Variants in CNTNAP2 observed in about 807,000 individuals in gnomAD.
CNTNAP2 encodes contactin associated protein 2.
CNTNAP2 carries 98 observed loss-of-function variants against 155.2 expected under a neutral mutation model. The observed-to-expected ratio is 0.63, with a 90% CI of 0.54 to 0.75. CNTNAP2 has a LOEUF of 0.75. Among genes scored for constraint, CNTNAP2 ranks in the 30% least tolerant of loss-of-function variants. The pLI is 0.00. For synonymous variants in CNTNAP2, 651 were observed against 631.2 expected, an observed-to-expected ratio of 1.03 and a Z score of -0.47; for missense variants, 1,727 against 1,688.1, an observed-to-expected ratio of 1.02 and a Z score of -0.40.
chr7:147,222,528 G>A (rs557040126), intron 8 of CNTNAP2, among the ~76,000 whole-genome samples: 33 of 152,026 alleles, frequency 2.2e-4, no homozygotes, highest in Non-Finnish European at 4.3e-4. Context: ...TATCATAATT[G>A]TTTTAAATTC....
chr7:146,343,097 T>G (rs1297114955), intron 1 of CNTNAP2, among the ~76,000 whole-genome samples: 1 of 152,162 alleles, frequency 6.6e-6, no homozygotes, highest in Non-Finnish European at 1.5e-5. Context: ...TTTTGTTTGT[T>G]TTTTGTTTTC....
chr7:147,086,814 G>T (rs933497555), intron 4 of CNTNAP2, among the ~76,000 whole-genome samples: 10 of 152,074 alleles, frequency 6.6e-5, no homozygotes, highest in African/African-American at 2.2e-4. Context: ...AATAATGTCT[G>T]GGAAACAGCA....
At chr7:146,166,981 C>G (rs1382122138) in intron 1 of CNTNAP2, among the ~76,000 whole-genome samples, 6 of 152,148 alleles carry the variant, frequency 3.9e-5, no homozygotes, top group Admixed American at 3.9e-4. Context: ...AGCAGGCTTC[C>G]CACCTGACAT....
chr7:146,450,050 C>T (rs1358202314), intron 1 of CNTNAP2, among the ~76,000 whole-genome samples: 2 of 152,100 alleles, frequency 1.3e-5, no homozygotes, highest in African/African-American at 4.8e-5. Flanking sequence ...TAAATACGGA[C>T]ATTATGCAAG....
At chr7:148,194,232 A>G (rs903650419) in intron 18 of CNTNAP2, among the ~76,000 whole-genome samples, 55 of 151,620 alleles carry the variant, frequency 3.6e-4, no homozygotes, top group Non-Finnish European at 6.6e-4. Flanking sequence ...TTCTGGGTTC[A>G]AGCAATCCAC....
intron 2 of CNTNAP2, among the ~76,000 whole-genome samples, chr7:146,774,709 A>G (rs1802357425): frequency 6.6e-6 from 1 of 151,402 alleles, no homozygotes; most frequent in Non-Finnish European, 1.5e-5. Flanking sequence ...AAGATGTAAA[A>G]AAGAATTGAC....
At chr7:147,423,879 C>A (rs1267338660) in intron 10 of CNTNAP2, among the ~76,000 whole-genome samples, 1 of 152,174 alleles carries the variant, frequency 6.6e-6, no homozygotes, top group Admixed American at 6.5e-5. Context: ...TAGCTTTAGT[C>A]CCACATTCTA....
chr7:147,773,678 A>G (rs886775539), intron 13 of CNTNAP2, among the ~76,000 whole-genome samples: 3 of 152,106 alleles, frequency 2.0e-5, no homozygotes, highest in Non-Finnish European at 4.4e-5. Flanking sequence ...CTGTGGCAGT[A>G]TACTACCTCT....
chr7:146,576,173 C>T (rs1798521036), intron 1 of CNTNAP2, among the ~76,000 whole-genome samples: 1 of 152,190 alleles, frequency 6.6e-6, no homozygotes, highest in Admixed American at 6.5e-5. Context: ...TAATTTGGGA[C>T]ATGTGACTCC....
At chr7:147,244,104 C>T (rs917228492) in intron 8 of CNTNAP2, among the ~76,000 whole-genome samples, 1 of 152,164 alleles carries the variant, frequency 6.6e-6, no homozygotes, top group Non-Finnish European at 1.5e-5. Flanking sequence ...TCCCAAGACA[C>T]TTCACCCTTT....
chr7:147,641,665 G>A (rs960583007), intron 13 of CNTNAP2, among the ~76,000 whole-genome samples: 17 of 152,012 alleles, frequency 1.1e-4, no homozygotes, highest in African/African-American at 3.6e-4. Flanking sequence ...GATCATAATG[G>A]TGGGGTCCTA....
chr7:146,721,389 TTCTATATAC>T (rs1201698670), intron 1 of CNTNAP2, among the ~76,000 whole-genome samples: 2 of 126,398 alleles, frequency 1.6e-5, no homozygotes, highest in African/African-American at 6.4e-5. Context: ...TCTATATACA[TTCTATATAC>T]ATTCTATATA....
intron 1 of CNTNAP2, among the ~76,000 whole-genome samples, chr7:146,579,155 G>A (rs1348813517): frequency 1.3e-5 from 2 of 152,070 alleles, no homozygotes; most frequent in East Asian, 3.9e-4. Flanking sequence ...TTCGGGTCTT[G>A]ATACATTTCA....
At chr7:146,538,100 A>T (rs1563125676) in intron 1 of CNTNAP2, among the ~76,000 whole-genome samples, 1 of 152,104 alleles carries the variant, frequency 6.6e-6, no homozygotes, top group Non-Finnish European at 1.5e-5. Context: ...CATATGAGAG[A>T]CCATGGTAGC....
intron 13 of CNTNAP2, among the ~76,000 whole-genome samples, chr7:147,887,210 G>A (rs10274088): frequency 0.042 from 6,325 of 152,250 alleles, 299 homozygotes; most frequent in East Asian, 0.19. Context: ...GGTGGCTCAC[G>A]CCTGTAATCC....
rs371357445 is a variant in CNTNAP2 at position 147,409,789 on chromosome 7, GA to G, written c.1670+14022del. ...AGACATACTTGAGATGAACCATCAT[GA>G]AAAAAAAAAAAACCTCAACATCACT... On this transcript the variant is annotated intron_variant, in intron 10 of 23. Transcript: ENST00000361727. 8.2e-3 allele frequency among the ~76,000 whole-genome samples: 1,120 copies of G among 136,616 alleles called. 8 individuals carry two copies. Among genetic ancestry groups the G allele is most frequent in the African/African-American group, 0.027 (1,019 of 37,500 alleles). The allele number at this position is 136,616 out of a possible 152,430, so 89.6% of individuals were successfully genotyped here.
intron 12 of CNTNAP2, among the ~76,000 whole-genome samples, chr7:147,601,644 A>AAAAAAATATATATATAT (rs1299075338): frequency 1.1e-5 from 1 of 87,468 alleles, no homozygotes; most frequent in African/African-American, 4.3e-5. Flanking sequence ...CTTAAAAAAA[A>AAAAAAATATATATATAT]ATATATATAT....
intron 3 of CNTNAP2, among the ~76,000 whole-genome samples, chr7:146,985,897 C>T (rs1234102881): frequency 6.6e-6 from 1 of 152,022 alleles, no homozygotes; most frequent in East Asian, 1.9e-4. Flanking sequence ...GACACTTAAA[C>T]ATTTAAAGTC....
intron 17 of CNTNAP2, among the ~76,000 whole-genome samples, chr7:148,162,509 C>T (rs903651857): frequency 2.0e-5 from 3 of 152,196 alleles, no homozygotes; most frequent in Non-Finnish European, 2.9e-5. Context: ...TAGCAGTGGC[C>T]AAAGCCCATA....
Sources: gnomAD v4.1 joint callset for allele counts (sites outside exome capture counted in the v4.1 genomes callset) on GRCh38, gnomAD v4.1.1 for gene constraint, MANE v1.5 for transcripts, NCBI Gene and HGNC (gene_info 2026-07-23, HGNC 2026-07-21) for gene names.